STK32B: variants seen among roughly 807,000 people sequenced by gnomAD.
STK32B encodes the protein serine/threonine kinase 32B.
Under a neutral mutation model 52.6 loss-of-function variants are expected in STK32B, and 43 were observed. The observed-to-expected ratio is 0.82, with a 90% CI of 0.64 to 1.05. The LOEUF (loss-of-function observed/expected upper bound fraction) is 1.05, where lower values mean the gene tolerates loss of function less well. Ranked by LOEUF, STK32B falls within the 50% of genes least tolerant of loss-of-function variation. The pLI is 0.00. For missense variants in STK32B, 621 were observed against 534.6 expected, an observed-to-expected ratio of 1.16 and a Z score of -1.59; for synonymous variants, 238 against 204.3, an observed-to-expected ratio of 1.17 and a Z score of -1.41.
intron 11 of STK32B, among the ~76,000 whole-genome samples, chr4:5,488,883 AT>A (rs1029705814): frequency 6.6e-5 from 10 of 152,148 alleles, no homozygotes; most frequent in Non-Finnish European, 8.8e-5. Context: ...TAGACAAAAC[AT>A]TTTTTTCTCA....
intron 3 of STK32B, among the ~76,000 whole-genome samples, chr4:5,181,539 T>C (rs149238892): frequency 4.7e-4 from 72 of 152,326 alleles, no homozygotes; most frequent in Admixed American, 9.8e-4. Context: ...ATTACTGCCA[T>C]TACAGGCATA....
Position 5,254,965 on chromosome 4 carries a change from A to AATATATATATATATATATATAT in STK32B, c.261-76243_261-76242insATATATATATATATATATATAT, listed in dbSNP as rs146017036. Reference sequence around the variant, plus strand: ...TTATTACTAGTTGGTATCATTCACTAATATATATATATGTTTATTGAGCAT... The same window carrying AATATATATATATATATATATAT: ...TTATTACTAGTTGGTATCATTCACTAATATATATATATATATATATATATATATATATATGTTTATTGAGCAT... On this transcript the variant is annotated intron_variant, in intron 3 of 11. Coordinates refer to ENST00000282908, the MANE Select transcript of STK32B (RefSeq NM_018401.3). Among the ~76,000 whole-genome samples, 83 of 144,404 alleles carry AATATATATATATATATATATAT rather than the reference A, an allele frequency of 5.7e-4. 1 individual carries two copies. The highest frequency in any genetic ancestry group is 2.0e-3 in the African/African-American group (75 of 37,046). The allele number at this position is 144,404 out of a possible 152,430, so 94.7% of individuals were successfully genotyped here.
At chr4:5,388,071 A>G (rs1736370569) in intron 4 of STK32B, among the ~76,000 whole-genome samples, 1 of 152,258 alleles carries the variant, frequency 6.6e-6, no homozygotes, top group East Asian at 1.9e-4. Flanking sequence ...AACTATGACC[A>G]TGGAGAAGTC....
rs145426459 is a variant in STK32B, at chr4:5,322,419, A to G, written c.261-8801A>G. 1.1e-4 allele frequency among the ~76,000 whole-genome samples: 17 copies of G among 152,234 alleles called. No homozygotes were observed. In the East Asian group the frequency reaches 3.3e-3, roughly 29 times the overall value. On this transcript the variant is annotated intron_variant, in intron 3 of 11. Coordinates refer to ENST00000282908, the MANE Select transcript of STK32B (RefSeq NM_018401.3). ...TCCATCTGCTACCCTCGGAGGTCAG[A>G]TGGAATGGAAAGTGGCCTGAGGAGA...
intron 3 of STK32B, among the ~76,000 whole-genome samples, chr4:5,328,588 T>C (rs530979835): frequency 6.6e-6 from 1 of 152,296 alleles, no homozygotes; most frequent in South Asian, 2.1e-4. Context: ...TGGATGCCAT[T>C]TGAGGAGCTT....
At chr4:5,042,016 C>T in the STK32B span, among the ~76,000 whole-genome samples, 1 of 152,106 alleles carries the variant, frequency 6.6e-6, no homozygotes, top group African/African-American at 2.4e-5. Flanking sequence ...GCTTCTACAG[C>T]GTGATCGTGT....
intron 11 of STK32B, among the ~76,000 whole-genome samples, chr4:5,471,990 G>A (rs547333843): frequency 7.4e-4 from 112 of 152,298 alleles, no homozygotes; most frequent in African/African-American, 2.5e-3. Flanking sequence ...CATAGGCCAC[G>A]TATGCTTCCT....
chr4:5,325,758 G>A (rs1731830579), intron 3 of STK32B, among the ~76,000 whole-genome samples: 1 of 152,198 alleles, frequency 6.6e-6, no homozygotes, highest in South Asian at 2.1e-4. Context: ...CAGAGTTACT[G>A]TGATAGAGCT....
intron 3 of STK32B, among the ~76,000 whole-genome samples, chr4:5,240,577 A>G (rs1479304344): frequency 1.3e-5 from 2 of 152,120 alleles, no homozygotes; most frequent in African/African-American, 2.4e-5. Context: ...TTTCTGCCTC[A>G]GCCTCCCAAA....
At chr4:5,496,775 G>GTCTT (rs1245241508) in intron 11 of STK32B, among the ~76,000 whole-genome samples, 2 of 150,918 alleles carry the variant, frequency 1.3e-5, no homozygotes, top group Non-Finnish European at 2.9e-5. Context: ...TGAAGAGAAT[G>GTCTT]TCTTTAACAT....
chr4:5,216,538 A>G (rs1723193973), intron 3 of STK32B, among the ~76,000 whole-genome samples: 1 of 152,180 alleles, frequency 6.6e-6, no homozygotes, highest in Admixed American at 6.5e-5. Flanking sequence ...TGAAAAATAG[A>G]TAGGAGGAGT....
intron 3 of STK32B, among the ~76,000 whole-genome samples, chr4:5,316,668 T>G (rs1328849814): frequency 1.3e-4 from 1 of 7,610 alleles, no homozygotes; most frequent in Non-Finnish European, 1.7e-4. Flanking sequence ...TAATATATAT[T>G]ATATATATAA....
At chr4:5,236,389 T>C (rs962133549) in intron 3 of STK32B, among the ~76,000 whole-genome samples, 2 of 152,180 alleles carry the variant, frequency 1.3e-5, no homozygotes, top group Admixed American at 6.5e-5. Context: ...AGTGCACTTA[T>C]GATAAGTGTA....
chr4:5,108,468 T>C (rs1243081737), intron 1 of STK32B, among the ~76,000 whole-genome samples: 1 of 152,208 alleles, frequency 6.6e-6, no homozygotes, highest in Admixed American at 6.5e-5. Context: ...GGTGTTGAGG[T>C]TATGCTGATC....
At chr4:5,445,725 C>T (rs573259782) in intron 6 of STK32B, among the ~76,000 whole-genome samples, 2 of 152,292 alleles carry the variant, frequency 1.3e-5, no homozygotes, top group African/African-American at 4.8e-5. Flanking sequence ...TCAGTACATT[C>T]ACAATGTTTT....
rs527289306 is a variant in STK32B at position 5,432,860 on chromosome 4, G to A, written c.563-13813G>A. On this transcript the variant is annotated intron_variant, in intron 6 of 11. Transcript: ENST00000282908. The stretch of plus-strand genomic sequence containing the variant: ...GTGCTTAATCAAGATATACATAGCC[G>A]TTTTCTCTTCACAATAAGATTTTGT... 5.3e-5 allele frequency among the ~76,000 whole-genome samples: 8 copies of A among 152,120 alleles called. No homozygotes were observed. In the East Asian group the frequency reaches 5.8e-4, roughly 11 times the overall value.
At chr4:5,046,352 T>C in the STK32B span, among the ~76,000 whole-genome samples, 8 of 152,272 alleles carry the variant, frequency 5.3e-5, no homozygotes, top group East Asian at 7.7e-4. Flanking sequence ...ATATACCTTA[T>C]ACAAAAATTA....
chr4:5,357,048 CACACACACATATAT>C (rs1443462468), intron 4 of STK32B, among the ~76,000 whole-genome samples: 5 of 144,662 alleles, frequency 3.5e-5, no homozygotes, highest in Non-Finnish European at 7.4e-5. Flanking sequence ...CACATATATA[CACACACACATATAT>C]ACACACATAT....
chr4:5,493,429 T>C (rs986594564), intron 11 of STK32B, among the ~76,000 whole-genome samples: 29 of 151,966 alleles, frequency 1.9e-4, no homozygotes, highest in African/African-American at 7.0e-4. Flanking sequence ...GGTGATATCC[T>C]TTTATCATTT....
Sources: allele counts gnomAD v4.1 joint callset (sites outside exome capture counted in the v4.1 genomes callset), GRCh38; gene constraint gnomAD v4.1.1; transcripts MANE v1.5; gene names NCBI Gene and HGNC (gene_info 2026-07-23, HGNC 2026-07-21).